The following HACE1 variants were observed in gnomAD, a reference collection of about 807,000 sequenced individuals.
HACE1 encodes HECT domain and ankyrin repeat containing E3 ubiquitin protein ligase 1.
HACE1 carries 73 observed loss-of-function variants against 118.4 expected under a neutral mutation model. The observed-to-expected ratio is 0.62, with a 90% confidence interval of 0.51 to 0.75. The LOEUF is 0.75. HACE1 is among the 30% of genes least tolerant of loss of function. The probability of loss-of-function intolerance (pLI) is 0.00; values close to 1 mark genes in which losing one functional copy is unlikely to be tolerated. For missense variants in HACE1, 749 were observed against 1,102.2 expected (o/e 0.68, Z 4.54); for synonymous variants, 368 against 374.8 (o/e 0.98, Z 0.21).
At chr6:104,799,054 T>C (rs1770006426) in intron 7 of HACE1, among the ~76,000 whole-genome samples, 1 of 152,146 alleles carries the variant, frequency 6.6e-6, no homozygotes, top group African/African-American at 2.4e-5. Flanking sequence ...CAAATAAGTA[T>C]TAAAGACAAC....
At chr6:104,756,443 A>G (rs1411135786) in intron 19 of HACE1, among the ~76,000 whole-genome samples, 1 of 149,176 alleles carries the variant, frequency 6.7e-6, no homozygotes, top group Non-Finnish European at 1.5e-5. Context: ...ATATATATAT[A>G]TATACACACA....
intron 19 of HACE1, among the ~76,000 whole-genome samples, chr6:104,763,169 T>C (rs1468374686): frequency 2.6e-5 from 4 of 152,100 alleles, no homozygotes; most frequent in South Asian, 2.1e-4. Context: ...GTTTTCATTG[T>C]TGACAGGAAG....
intron 5 of HACE1, among the ~76,000 whole-genome samples, chr6:104,838,510 A>G (rs1157740835): frequency 2.0e-5 from 3 of 152,156 alleles, no homozygotes; most frequent in South Asian, 2.1e-4. Context: ...TCCATACACA[A>G]AAAATGAAAC....
At chr6:104,747,959 C>T (rs1777612395) in intron 20 of HACE1, among the ~76,000 whole-genome samples, 1 of 151,918 alleles carries the variant, frequency 6.6e-6, no homozygotes, top group African/African-American at 2.4e-5. Flanking sequence ...TAAAAACTTA[C>T]CAGTAACAGA....
chr6:104,784,176 A>G lies in HACE1; in HGVS notation c.1479-3T>C. ...GGTCAAATATAATTTTGGGATTTCT[A>G]AAAGAAAAATATTTTGTTTAAATGG... On this transcript the variant is annotated splice_polypyrimidine_tract_variant and splice_region_variant and intron_variant, in intron 13 of 23. Transcript: ENST00000262903. The G allele has an allele frequency of 6.6e-7, 1 of 1,522,134 alleles. No individual in the cohort carries two copies. Among genetic ancestry groups the G allele is most frequent in the Non-Finnish European group, 9.1e-7 (1 of 1,096,236 alleles). 94.3% of individuals were successfully genotyped at this position (1,522,134 alleles called of 1,614,324 possible). A position where few individuals can be genotyped will look rare whatever the true frequency, so the allele number is the denominator to read the frequency against.
At position 104,764,794 on chromosome 6, in the gene HACE1, A is replaced by G. The variant is rs530610780; in HGVS notation, c.2211+6399T>C. Among the ~76,000 whole-genome samples, 4 of 152,212 alleles carry G rather than the reference A, an allele frequency of 2.6e-5. No individual in the cohort carries two copies. The East Asian group carries it at 7.7e-4, about 29-fold the overall frequency. ...ACTCTGAAGGTATATTTTTTTGCAT[A>G]TGTAAGGCAGTCAAACATCATTTCT... On this transcript the variant is annotated intron_variant, in intron 19 of 23. Coordinates refer to ENST00000262903, the MANE Select transcript of HACE1 (RefSeq NM_020771.4).
At chr6:104,858,402 CAAG>C (rs1018335725) in intron 1 of HACE1, 28 of 259,242 alleles carry the variant, frequency 1.1e-4, no homozygotes, top group Admixed American at 1.0e-3. Context: ...ACCATTTTTT[CAAG>C]AAGATTATCC....
Position 104,729,519 on chromosome 6 carries a change from A to G in HACE1, c.*143T>C. On this transcript the variant is annotated 3_prime_UTR_variant, in exon 24 of 24. Transcript: ENST00000262903. ...CATAAAAGGGAAAAGAGAGAAACAGAAAACCTGATGATCCTTTATAAATTG... is the reference window on the plus strand; with the variant it reads ...CATAAAAGGGAAAAGAGAGAAACAGGAAACCTGATGATCCTTTATAAATTG... The G allele has an allele frequency of 1.5e-6, 1 of 669,462 alleles. No individual in the cohort carries two copies. Among genetic ancestry groups the G allele is most frequent in the East Asian group, 2.7e-5 (1 of 37,352 alleles). The allele number at this position is 669,462 out of a possible 1,614,324, so 41.5% of individuals were successfully genotyped here.
At position 104,850,076 on chromosome 6, in the gene HACE1, A is replaced by C. The variant is rs189077200; in HGVS notation, c.222-830T>G. Reference sequence around the variant, plus strand: ...GCAATTCTCCTGCCTCAGCCTCCCAAGTAGCTGGGATTACAGGCGCACGCC... The same window carrying C: ...GCAATTCTCCTGCCTCAGCCTCCCACGTAGCTGGGATTACAGGCGCACGCC... On this transcript the variant is annotated intron_variant, in intron 3 of 23. Coordinates refer to ENST00000262903, the MANE Select transcript of HACE1 (RefSeq NM_020771.4). 2.5e-3 allele frequency among the ~76,000 whole-genome samples: 382 copies of C among 151,702 alleles called. 2 individuals carry two copies. The highest frequency in any genetic ancestry group is 4.5e-3 in the Non-Finnish European group (303 of 67,924).
chr6:104,796,795 G>C, intron 8 of HACE1, 39 bp from the exon 9 acceptor site: 2 of 1,248,648 alleles, frequency 1.6e-6, no homozygotes, highest in Non-Finnish European at 2.4e-6. Context: ...TTTAAAAACA[G>C]TCCCTTTTAA....
chr6:104,774,186 T>G (rs1582403563), intron 17 of HACE1, among the ~76,000 whole-genome samples: 4 of 110,552 alleles, frequency 3.6e-5, no homozygotes, highest in East Asian at 2.2e-4. Context: ...GCCTCCCGGG[T>G]TCACGCCATT....
At chr6:104,737,720 C>T (rs1052871753) in intron 22 of HACE1, among the ~76,000 whole-genome samples, 15 of 152,162 alleles carry the variant, frequency 9.9e-5, no homozygotes, top group Non-Finnish European at 1.9e-4. Flanking sequence ...CAGTCTGAGA[C>T]CAAACTGCAA....
At chr6:104,756,746 T>C (rs6929352) in intron 19 of HACE1, among the ~76,000 whole-genome samples, 86,035 of 152,028 alleles carry the variant, frequency 0.57, 25,985 homozygotes, top group African/African-American at 0.8. Flanking sequence ...AGGGTGTCGT[T>C]TCACCCGGGA....
At chr6:104,816,101 C>T (rs1772087899) in intron 6 of HACE1, among the ~76,000 whole-genome samples, 1 of 151,216 alleles carries the variant, frequency 6.6e-6, no homozygotes, top group African/African-American at 2.4e-5. Flanking sequence ...AAACAGAACA[C>T]AAAGTTTGGA....
chr6:104,820,744 G>A (rs181903929), intron 6 of HACE1, among the ~76,000 whole-genome samples: 2 of 152,280 alleles, frequency 1.3e-5, no homozygotes, highest in African/African-American at 4.8e-5. Flanking sequence ...GTTGGTGGGA[G>A]TAAATTATTT....
intron 15 of HACE1, 22 bp downstream of exon 15, chr6:104,777,184 T>A: frequency 6.4e-7 from 1 of 1,563,160 alleles, no homozygotes; most frequent in Non-Finnish European, 8.8e-7. Flanking sequence ...CACACATATA[T>A]CAGTTTCTTT....
At chr6:104,741,108 C>T (rs1318434106) in intron 22 of HACE1, among the ~76,000 whole-genome samples, 2 of 95,120 alleles carry the variant, frequency 2.1e-5, no homozygotes, top group Non-Finnish European at 3.9e-5. Flanking sequence ...CAAAATTCAA[C>T]AACCTTCATG....
At chr6:104,763,098 A>C (rs1005749699) in intron 19 of HACE1, among the ~76,000 whole-genome samples, 2 of 152,088 alleles carry the variant, frequency 1.3e-5, no homozygotes, top group Admixed American at 6.5e-5. Context: ...TAGGTTTGGT[A>C]ATTTTTAAAG....
chr6:104,799,393 G>C (rs746163527), intron 7 of HACE1, among the ~76,000 whole-genome samples: 28 of 152,172 alleles, frequency 1.8e-4, no homozygotes, highest in Non-Finnish European at 3.1e-4. Flanking sequence ...TCTCTACTTT[G>C]CTTCCATATT....
Sources: gnomAD v4.1 joint callset for allele counts (sites outside exome capture counted in the v4.1 genomes callset) on GRCh38, gnomAD v4.1.1 for gene constraint, MANE v1.5 for transcripts, NCBI Gene and HGNC (gene_info 2026-07-23, HGNC 2026-07-21) for gene names.